GRAMD1B: variants seen among roughly 807,000 people sequenced by gnomAD.
GRAMD1B encodes protein Aster-B.
In GRAMD1B, 37 loss-of-function variants were observed where a neutral mutation model predicts 99.7. That is an observed-to-expected ratio of 0.37 (90% CI 0.29 to 0.49). The LOEUF (loss-of-function observed/expected upper bound fraction) is 0.49, where lower values mean the gene tolerates loss of function less well. Ranked by LOEUF, GRAMD1B falls within the 20% of genes least tolerant of loss-of-function variation. The probability of loss-of-function intolerance (pLI) is 0.98; values close to 1 mark genes in which losing one functional copy is unlikely to be tolerated. For synonymous variants in GRAMD1B, 427 were observed against 387.6 expected (o/e 1.10, Z -1.19); for missense variants, 888 against 1,009.2 (o/e 0.88, Z 1.63).
At position 123,403,672 on chromosome 11, in the gene GRAMD1B, T is replaced by C. The variant is rs547219475; in HGVS notation, c.-176+44873T>C. 3.8e-4 allele frequency among the ~76,000 whole-genome samples: 57 copies of C among 151,524 alleles called. 1 individual carries two copies. The South Asian group carries it at 3.8e-3, about 10-fold the overall frequency. On this transcript the variant is annotated intron_variant, in intron 1 of 20. Coordinates refer to the GRAMD1B transcript ENST00000638157. ...AGTTCTCCTGCCTCAGCCTCCCGAG[T>C]AGCTGGGATTACAGGCATGCACAAC...
intron 1 of GRAMD1B, among the ~76,000 whole-genome samples, chr11:123,461,793 C>T (rs1289417411): frequency 2.0e-5 from 3 of 151,100 alleles, no homozygotes; most frequent in Non-Finnish European, 2.9e-5. Context: ...TTAGTAGAGA[C>T]GGGGGTTTCA....
At position 123,614,804 on chromosome 11, in the gene GRAMD1B, G is replaced by T; in HGVS notation, c.2287G>T (p.Val763Leu). 1.2e-6 allele frequency: 2 copies of T among 1,611,062 alleles called. No individual in the cohort carries two copies. Among genetic ancestry groups the T allele is most frequent in the Non-Finnish European group, 1.7e-6 (2 of 1,177,392 alleles). Reference protein sequence around the residue: ...DTPNGFHLQSVSKLLLVISCV... With the variant: ...DTPNGFHLQSLSKLLLVISCV... ...CCCCAACGGTTTCCACCTGCAGAGCGTGTCCAAGCTGCTGCTGGTTATCAG... is the reference window on the plus strand; with the variant it reads ...CCCCAACGGTTTCCACCTGCAGAGCTTGTCCAAGCTGCTGCTGGTTATCAG... Residue 763 changes from valine (V) to leucine (L), a missense_variant, in exon 17 of 20, where the codon GTG (valine) becomes TTG (leucine). Val to Leu is a conservative substitution (Grantham distance 32). Transcript: ENST00000635736.
chr11:123,536,007 C>T (rs1943932342), intron 2 of GRAMD1B, among the ~76,000 whole-genome samples: 1 of 152,156 alleles, frequency 6.6e-6, no homozygotes, highest in Admixed American at 6.5e-5. Context: ...AGAATACCCT[C>T]CCTTCAGCTA....
At chr11:123,405,279 C>G (rs969209459) in intron 1 of GRAMD1B, among the ~76,000 whole-genome samples, 2 of 152,066 alleles carry the variant, frequency 1.3e-5, no homozygotes, top group African/African-American at 4.8e-5. Context: ...TCCATCTGTT[C>G]ACACCTACTT....
intron 2 of GRAMD1B, among the ~76,000 whole-genome samples, chr11:123,524,530 G>A (rs538791682): frequency 6.6e-5 from 10 of 152,016 alleles, no homozygotes; most frequent in East Asian, 3.9e-4. Context: ...TAGTAGAGAC[G>A]AGGTTTCGCC....
chr11:123,555,682 C>T (rs1946112299), intron 2 of GRAMD1B, among the ~76,000 whole-genome samples: 6 of 151,790 alleles, frequency 4.0e-5, no homozygotes, highest in Admixed American at 3.9e-4. Flanking sequence ...ACTGTAGGAT[C>T]ATGGGTACTT....
intron 19 of GRAMD1B, among the ~76,000 whole-genome samples, chr11:123,622,031 C>T (rs1148118): frequency 0.51 from 75,654 of 149,080 alleles, 19,465 homozygotes; most frequent in East Asian, 0.8. Flanking sequence ...GTCTCTCTCT[C>T]TTTTTAAAAG....
intron 1 of GRAMD1B, among the ~76,000 whole-genome samples, chr11:123,396,378 C>A (rs1380105623): frequency 1.3e-5 from 2 of 151,916 alleles, no homozygotes; most frequent in African/African-American, 4.8e-5. Context: ...CAGGTTTAAG[C>A]AATTCTCCTG....
chr11:123,486,842 G>T (rs1937864200), intron 2 of GRAMD1B, among the ~76,000 whole-genome samples: 1 of 152,220 alleles, frequency 6.6e-6, no homozygotes, highest in Non-Finnish European at 1.5e-5. Flanking sequence ...AGCCGATGGG[G>T]GTGGATCCCT....
chr11:123,418,370 G>C (rs1036426840), intron 1 of GRAMD1B, among the ~76,000 whole-genome samples: 1 of 152,170 alleles, frequency 6.6e-6, no homozygotes, highest in African/African-American at 2.4e-5. Flanking sequence ...GGGTGGTTAA[G>C]CTGGGGGCCT....
chr11:123,566,900 T>A (rs112827844), intron 2 of GRAMD1B, among the ~76,000 whole-genome samples: 2 of 152,108 alleles, frequency 1.3e-5, no homozygotes, highest in Non-Finnish European at 2.9e-5. Flanking sequence ...CCAGCCCCCA[T>A]GGAGTGCTCA....
intron 4 of GRAMD1B, among the ~76,000 whole-genome samples, chr11:123,589,109 G>A (rs1455725894): frequency 6.6e-6 from 1 of 151,568 alleles, no homozygotes; most frequent in African/African-American, 2.4e-5. Context: ...TGTCACGTGA[G>A]GTCAGGTGTG....
At chr11:123,396,003 G>A (rs960919737) in intron 1 of GRAMD1B, among the ~76,000 whole-genome samples, 2 of 152,144 alleles carry the variant, frequency 1.3e-5, no homozygotes, top group Admixed American at 6.5e-5. Context: ...CTTATATTTA[G>A]TAGTAGTAAT....
chr11:123,486,564 A>AAAAAAAAAAAAG (rs779982778), intron 2 of GRAMD1B, among the ~76,000 whole-genome samples: 4 of 147,628 alleles, frequency 2.7e-5, no homozygotes, highest in Non-Finnish European at 4.5e-5. Context: ...GAAAAAAAAA[A>AAAAAAAAAAAAG]AAAAACAAAA....
At chr11:123,600,609 T>A in intron 8 of GRAMD1B, 61 bp downstream of exon 8, 1 of 1,033,090 alleles carries the variant, frequency 9.7e-7, no homozygotes, top group South Asian at 1.4e-5. Flanking sequence ...AGCCTTTGTC[T>A]CCTCAGGGTT....
chr11:123,591,732 G>A lies in GRAMD1B; in HGVS notation c.685-2350G>A, dbSNP rs1178596224. The stretch of plus-strand genomic sequence containing the variant: ...AGGAGGGAGAGGGCTGGGGTCCCTG[G>A]CTTCGAGAGGCTGCATGGTGGCAGG... On this transcript the variant is annotated intron_variant, in intron 4 of 19. Coordinates refer to ENST00000635736, the MANE Select transcript of GRAMD1B (RefSeq NM_001387025.1). This position sits in a 1 kb window ranked among gnomAD's most constrained non-coding sequence, Gnocchi z 4.7. Among the ~76,000 whole-genome samples the A allele has an allele frequency of 2.0e-5, 3 of 152,216 alleles. No individual in the cohort carries two copies. Among genetic ancestry groups the A allele is most frequent in the African/African-American group, 7.2e-5 (3 of 41,452 alleles).
intron 1 of GRAMD1B, among the ~76,000 whole-genome samples, chr11:123,368,423 G>A (rs536216912): frequency 3.9e-5 from 6 of 151,932 alleles, no homozygotes; most frequent in African/African-American, 1.2e-4. Context: ...GTTCACAGCT[G>A]TAATCCCAGC....
intron 6 of GRAMD1B, among the ~76,000 whole-genome samples, chr11:123,595,706 C>T (rs911428931): frequency 1.3e-5 from 2 of 152,290 alleles, no homozygotes; most frequent in East Asian, 1.9e-4. Context: ...TTAGAAAGCT[C>T]TTTGCCCAAG....
At position 123,553,752 on chromosome 11, in the gene GRAMD1B, G is replaced by T. The variant is rs149521573; in HGVS notation, c.453-23615G>T. ...GGAGAGGACAGAGTGGACATCTGTG[G>T]AACATCAGTTCTCTTGCATTAATGG... On this transcript the variant is annotated intron_variant, in intron 2 of 19. Transcript: ENST00000635736. 1.6e-3 allele frequency among the ~76,000 whole-genome samples: 242 copies of T among 152,276 alleles called. 1 individual carries two copies. Among genetic ancestry groups the T allele is most frequent in the African/African-American group, 5.7e-3 (236 of 41,564 alleles).
Sources: gnomAD v4.1 joint callset for allele counts (sites outside exome capture counted in the v4.1 genomes callset) on GRCh38, gnomAD v4.1.1 for gene constraint, Gnocchi (gnomAD v3.1) non-coding constraint, MANE v1.5 for transcripts, NCBI Gene and HGNC (gene_info 2026-07-23, HGNC 2026-07-21) for gene names.